Variants in MAP4K1 observed in about 807,000 individuals in gnomAD.
The protein encoded by MAP4K1 is mitogen-activated protein kinase kinase kinase kinase 1.
A neutral mutation model predicts 122.8 loss-of-function variants in MAP4K1; 35 were observed. That is an observed-to-expected ratio of 0.29 (90% confidence interval 0.22 to 0.38). MAP4K1 has a LOEUF of 0.38. Ranked by LOEUF, MAP4K1 falls within the 10% of genes least tolerant of loss-of-function variation. MAP4K1 has a pLI of 1.00. For missense variants in MAP4K1, 791 were observed against 1,072.6 expected (o/e 0.74, Z 3.67); for synonymous variants, 412 against 421.3 (o/e 0.98, Z 0.27).
At position 38,598,028 on chromosome 19, in the gene MAP4K1, AT is replaced by A. The variant is rs576542381; in HGVS notation, c.1670-435del. On this transcript the variant is annotated intron_variant, in intron 22 of 30. Transcript: ENST00000396857. ...CCCAAAACTAGAAATTATTTCATTT[AT>A]TTATTATTATTATTATTATTTTAGA... 4.0e-3 allele frequency among the ~76,000 whole-genome samples: 604 copies of A among 152,008 alleles called. 1 individual carries two copies. Among genetic ancestry groups the A allele is most frequent in the African/African-American group, 0.014 (575 of 41,468 alleles).
chr19:38,603,075 T>C lies in MAP4K1; in HGVS notation c.1447-1550A>G, dbSNP rs145031219. ...ACGCATATACATATACACATATACA[T>C]ATATACACATGTACATATATACACA... On this transcript the variant is annotated intron_variant, in intron 19 of 30. Coordinates refer to ENST00000396857, the MANE Select transcript of MAP4K1 (RefSeq NM_001042600.3). Among the ~76,000 whole-genome samples, 293 of 120,354 alleles carry C rather than the reference T, an allele frequency of 2.4e-3. 24 individuals carry two copies. The highest frequency in any genetic ancestry group is 0.011 in the Middle Eastern group (1 of 90). 79.0% of individuals were successfully genotyped at this position (120,354 alleles called of 152,430 possible).
chr19:38,614,664 TAATCCC>T (rs576423614), intron 4 of MAP4K1: 238 of 588,400 alleles, frequency 4.0e-4, no homozygotes, highest in Non-Finnish European at 6.2e-4. Flanking sequence ...CTCATGCCTA[TAATCCC>T]AGCACTTTGG....
intron 19 of MAP4K1, among the ~76,000 whole-genome samples, chr19:38,604,789 CAAA>C (rs112047872): frequency 9.1e-6 from 1 of 109,822 alleles, no homozygotes. Flanking sequence ...GACTCTGTCT[CAAA>C]AAAAAAAAAG....
intron 26 of MAP4K1, 146 bp from the exon 27 acceptor site, chr19:38,596,147 C>G (rs1656205163): frequency 7.8e-7 from 1 of 1,277,726 alleles, no homozygotes; most frequent in South Asian, 1.3e-5. Context: ...CGGTCCCACC[C>G]CATCATCAAT....
intron 13 of MAP4K1, 34 bp downstream of exon 13, chr19:38,609,561 TC>T: frequency 6.3e-7 from 1 of 1,591,574 alleles, no homozygotes; most frequent in South Asian, 1.1e-5. Flanking sequence ...TATTATAGGG[TC>T]AGGTGTCCCC....
Position 38,617,192 on chromosome 19 carries a change from C to T in MAP4K1, c.248+162G>A, listed in dbSNP as rs901201497. Among the ~76,000 whole-genome samples the T allele has an allele frequency of 6.6e-6, 1 of 151,800 alleles. No homozygotes were observed. The highest frequency in any genetic ancestry group is 1.5e-5 in the Non-Finnish European group (1 of 67,986). On this transcript the variant is annotated intron_variant, in intron 3 of 30. Coordinates refer to ENST00000396857, the MANE Select transcript of MAP4K1 (RefSeq NM_001042600.3). This position sits in a 1 kb window ranked among gnomAD's most constrained non-coding sequence, Gnocchi z 4.1. ...CCCAGGAGGCAGAGGTTGCAGTGAG[C>T]TGAGATCATGCCACTGCACTCCAGC...
Position 38,597,095 on chromosome 19 carries a change from A to G in MAP4K1, c.1880T>C (p.Leu627Ser). Reference protein sequence around the residue: ...SSGGPFLCGALETSVVLLQWY... With the variant: ...SSGGPFLCGASETSVVLLQWY... ...CTGAAGCAGGACAACGGACGTCTCC[A>G]ATGCACCGCACAGGAACGGGCCCCC... Residue 627 changes from leucine (L) to serine (S), a missense_variant, in exon 25 of 31, where the codon TTG becomes TCG. This residue lies in a region of MAP4K1 where 267 missense variants were observed against 323.0 expected (regional missense o/e 0.83). Transcript: ENST00000396857. This position sits in a 1 kb window ranked among gnomAD's most constrained non-coding sequence, Gnocchi z 4.6. 1 of 1,614,136 alleles carries G rather than the reference A, an allele frequency of 6.2e-7. No homozygotes were observed. The highest frequency in any genetic ancestry group is 2.2e-5 in the East Asian group (1 of 44,878).
intron 19 of MAP4K1, 74 bp downstream of exon 19, chr19:38,605,335 C>G: frequency 8.8e-7 from 1 of 1,135,104 alleles, no homozygotes; most frequent in Non-Finnish European, 1.3e-6. Flanking sequence ...TCAGTCCTGC[C>G]ACCCCCTCCC....
In MAP4K1 at chr19:38,606,193, G is replaced by A; in HGVS notation, c.1180C>T (p.Pro394Ser). The change falls in exon 17 of 31, where the codon CCT becomes TCT. Residue 394 changes from proline (P) to serine (S), a missense_variant. Transcript: ENST00000396857. ...VDIPTPAEDT[P>S]PPLPPKPKFR... ...CTTACCTTGGGGGGAAGTGGAGGAG[G>A]TGTGTCCTCTGCAGGGGTGGGGCTG... 6.3e-7 allele frequency: 1 copy of A among 1,574,814 alleles called. No homozygotes were observed. The highest frequency in any genetic ancestry group is 8.6e-7 in the Non-Finnish European group (1 of 1,164,132).
At chr19:38,603,209 CATATATACACATATACATATACACAT>C (rs1975197786) in intron 19 of MAP4K1, among the ~76,000 whole-genome samples, 1 of 146,286 alleles carries the variant, frequency 6.8e-6, no homozygotes, top group Non-Finnish European at 1.5e-5. Context: ...TATACACATA[CATATATACACATATACATATACACAT>C]ATATATACAC....
intron 19 of MAP4K1, 186 bp from the exon 20 acceptor site, chr19:38,601,711 G>GT: frequency 3.7e-6 from 2 of 546,146 alleles, no homozygotes; most frequent in Admixed American, 3.8e-5. Flanking sequence ...TTTTCAGTTT[G>GT]TTTTTGTTTT....
intron 4 of MAP4K1, among the ~76,000 whole-genome samples, chr19:38,615,222 T>G (rs1192776258): frequency 0.013 from 928 of 71,132 alleles, no homozygotes; most frequent in African/African-American, 0.016. Context: ...GCAAAGGGGG[T>G]GGGGTGGAGT....
chr19:38,600,203 C>T (rs1290763165), intron 20 of MAP4K1, 50 bp from the exon 21 acceptor site: 1 of 1,486,380 alleles, frequency 6.7e-7, no homozygotes, highest in Admixed American at 1.7e-5. Context: ...TCAGGGACCT[C>T]CCAGATCCCC....
chr19:38,601,395 C>G (rs1283943271), intron 20 of MAP4K1, 46 bp downstream of exon 20: 1 of 1,532,530 alleles, frequency 6.5e-7, no homozygotes, highest in Admixed American at 1.9e-5. Context: ...CCTACTTTTG[C>G]TCTCCCATTC....
rs369421249 is a variant in MAP4K1, at chr19:38,609,625, G to C, written c.977C>G (p.Ser326Cys). The C allele has an allele frequency of 6.2e-7, 1 of 1,613,936 alleles. No individual in the cohort carries two copies. ...GCAGTCTGCATCTGGGATCCCCAGA[G>C]AGCTGGAGCGGTGGGTGGATCTGAT... Reference protein sequence around the residue: ...RRIRSTHRSSSLGIPDADCCR... With the variant: ...RRIRSTHRSSCLGIPDADCCR... Residue 326 changes from serine to cysteine, a missense_variant, in exon 13 of 31, where the codon TCT becomes TGT. Physicochemically the swap from Ser to Cys is moderately radical, Grantham distance 112. Around this residue, in one of 4 missense-constraint regions of MAP4K1, gnomAD observed 303 missense variants for 344.8 expected, o/e 0.88. Transcript: ENST00000396857.
Position 38,617,389 on chromosome 19 carries a change from G to A in MAP4K1, c.213C>T (p.His71=), listed in dbSNP as rs746181624. 3.8e-5 allele frequency: 61 copies of A among 1,613,798 alleles called. No homozygotes were observed. Among genetic ancestry groups the A allele is most frequent in the East Asian group, 3.3e-4 (15 of 44,888 alleles). Residue 71 remains histidine, a synonymous_variant, in exon 3 of 31, where the codon CAC becomes CAT. Transcript: ENST00000396857. This position sits in a 1 kb window ranked among gnomAD's most constrained non-coding sequence, Gnocchi z 4.1. ...TCCCATGGTAGGCCACGATGTTGGC[G>A]TGCCGGCAAGTTTTCAATATGAGGA... ...KEILILKTCR[H]ANIVAYHGSY... is the part of the protein sequence containing the mutation.
chr19:38,609,995 G>C lies in MAP4K1; in HGVS notation c.841C>G (p.Arg281Gly). Residue 281 changes from arginine (R) to glycine (G), a missense_variant, in exon 12 of 31, where the codon CGA becomes GGA. Transcript: ENST00000396857. ...HQLVSQPGLN[R>G]GLILDLLDKL... ...TCAAGAAGATCCAGGATCAGGCCTC[G>C]ATTCAGCCCAGGCTGGGATACCAGT... The C allele has an allele frequency of 1.2e-6, 2 of 1,614,124 alleles. No individual in the cohort carries two copies. Among genetic ancestry groups the C allele is most frequent in the Non-Finnish European group, 1.7e-6 (2 of 1,179,992 alleles).
intron 4 of MAP4K1, chr19:38,614,683 G>A: frequency 1.8e-6 from 1 of 552,662 alleles, no homozygotes; most frequent in Non-Finnish European, 3.3e-6. Flanking sequence ...CACTTTGGGA[G>A]GCCAAGGTGG....
intron 19 of MAP4K1, among the ~76,000 whole-genome samples, chr19:38,602,800 A>G (rs1975138885): frequency 9.0e-6 from 1 of 111,512 alleles, no homozygotes; most frequent in Non-Finnish European, 1.8e-5. Context: ...ATACACACAT[A>G]CATATATACA....
Sources: allele counts gnomAD v4.1 joint callset (sites outside exome capture counted in the v4.1 genomes callset), GRCh38; gene constraint gnomAD v4.1.1; regional missense constraint gnomAD v4.1.1; non-coding constraint Gnocchi (gnomAD v3.1); transcripts MANE v1.5; gene names NCBI Gene and HGNC (gene_info 2026-07-23, HGNC 2026-07-21).